KDM4A: variants seen among roughly 807,000 people sequenced by gnomAD.
The protein encoded by KDM4A is lysine demethylase 4A, also known as lysine-specific demethylase 4A.
Under a neutral mutation model 127.1 loss-of-function variants are expected in KDM4A, and 23 were observed. The observed-to-expected ratio is 0.18, with a 90% confidence interval of 0.13 to 0.26. The LOEUF is 0.26. Among genes scored for constraint, KDM4A ranks in the 10% least tolerant of loss-of-function variants. KDM4A has a pLI of 1.00. For missense variants in KDM4A, 890 were observed against 1,329.1 expected (o/e 0.67, Z 5.14); for synonymous variants, 443 against 466.5 (o/e 0.95, Z 0.65).
Position 43,691,516 on chromosome 1 carries a change from G to T in KDM4A, c.2263G>T (p.Ala755Ser). The T allele has an allele frequency of 6.2e-7, 1 of 1,613,960 alleles. No individual in the cohort carries two copies. The highest frequency in any genetic ancestry group is 8.5e-7 in the Non-Finnish European group (1 of 1,179,990). ...GTTAGGTTGCTATGGGGTCCCCCCT[G>T]CAAAGGCTTCTGAAGACTGGATGTG... ...VHASCYGVPP[A>S]KASEDWMCSR... The change falls in exon 15 of 22, where the codon GCA becomes TCA. Residue 755 changes from alanine to serine, a missense_variant. Transcript: ENST00000372396.
chr1:43,671,456 A>T (rs1660615578), intron 10 of KDM4A, 49 bp from the exon 11 acceptor site: 14 of 1,493,056 alleles, frequency 9.4e-6, no homozygotes, highest in East Asian at 2.4e-5. Flanking sequence ...CATCAGGTTC[A>T]CATGTGCAGG....
chr1:43,655,549 C>A, intron 2 of KDM4A, 42 bp from the exon 3 acceptor site: 2 of 1,540,694 alleles, frequency 1.3e-6, no homozygotes, highest in Non-Finnish European at 1.8e-6. Context: ...ACTGGCTTGC[C>A]AGGTTTCTCA....
intron 11 of KDM4A, among the ~76,000 whole-genome samples, chr1:43,673,486 TA>T (rs1660672836): frequency 6.6e-6 from 1 of 152,154 alleles, no homozygotes; most frequent in Admixed American, 6.5e-5. Flanking sequence ...GTGTTGCCAA[TA>T]GTCCCTTTTT....
intron 18 of KDM4A, 112 bp from the exon 19 acceptor site, chr1:43,697,731 A>G: frequency 9.5e-7 from 1 of 1,049,896 alleles, no homozygotes; most frequent in Non-Finnish European, 1.4e-6. Flanking sequence ...TTTTACTTTT[A>G]CTTTCCCATG....
rs1661285406 is a variant in KDM4A at position 43,698,027 on chromosome 1, G to A, written c.2841+14G>A. 6.2e-7 allele frequency: 1 copy of A among 1,609,388 alleles called. No homozygotes were observed. The highest frequency in any genetic ancestry group is 8.5e-7 in the Non-Finnish European group (1 of 1,176,954). On this transcript the variant is annotated intron_variant, in intron 19 of 21. Coordinates refer to ENST00000372396, the MANE Select transcript of KDM4A (RefSeq NM_014663.3). ...GAGGACATAGTGGTAATATCTGCAA[G>A]GAGCTTCTCAGGCAGTTTGGAATGG...
chr1:43,683,187 C>T (rs1011776466), intron 11 of KDM4A, among the ~76,000 whole-genome samples: 4 of 152,194 alleles, frequency 2.6e-5, no homozygotes, highest in Non-Finnish European at 4.4e-5. Flanking sequence ...GAGAAGGTGG[C>T]CTATTTTACT....
At position 43,662,816 on chromosome 1, in the gene KDM4A, A is replaced by G. The variant is rs1180882506; in HGVS notation, c.430-78A>G. 4 of 1,240,042 alleles carry G rather than the reference A, an allele frequency of 3.2e-6. No homozygotes were observed. In the African/African-American group the frequency reaches 4.5e-5, roughly 14 times the overall value. The allele number at this position is 1,240,042 out of a possible 1,614,324, so 76.8% of individuals were successfully genotyped here. A position where few individuals can be genotyped will look rare whatever the true frequency, so the allele number is the denominator to read the frequency against. ...TGTCAGAGATGACAGCTTACTTGTG[A>G]CCTACTCTGATTTGTAGGTTCAGAG... On this transcript the variant is annotated intron_variant, in intron 4 of 21. Transcript: ENST00000372396.
intron 7 of KDM4A, 112 bp downstream of exon 7, chr1:43,666,667 C>A: frequency 1.2e-6 from 1 of 862,444 alleles, no homozygotes; most frequent in Non-Finnish European, 1.8e-6. Context: ...CTTAAATAAA[C>A]TATGTAACAA....
At chr1:43,655,791 G>T in intron 3 of KDM4A, 25 bp downstream of exon 3, 1 of 1,588,494 alleles carries the variant, frequency 6.3e-7, no homozygotes, top group South Asian at 1.1e-5. Flanking sequence ...TTTCTTACCT[G>T]ACATAGCACC....
chr1:43,697,792 C>A, intron 18 of KDM4A, 51 bp from the exon 19 acceptor site: 1 of 1,548,644 alleles, frequency 6.5e-7, no homozygotes, highest in Non-Finnish European at 8.8e-7. Flanking sequence ...CTCCATATGC[C>A]AGGCCTGCAA....
chr1:43,663,124 C>T (rs1172113900), intron 5 of KDM4A, 37 bp downstream of exon 5: 4 of 1,568,740 alleles, frequency 2.5e-6, no homozygotes, highest in Non-Finnish European at 3.5e-6. Flanking sequence ...GGCTTCTATG[C>T]TAGAGCACGG....
At chr1:43,666,892 G>A in intron 7 of KDM4A, 62 bp from the exon 8 acceptor site, 1 of 1,575,270 alleles carries the variant, frequency 6.3e-7, no homozygotes, top group Non-Finnish European at 8.7e-7. Context: ...GTGGAGCTCA[G>A]AATTCCAGTT....
chr1:43,683,200 T>G (rs528395343), intron 11 of KDM4A, among the ~76,000 whole-genome samples: 33 of 152,336 alleles, frequency 2.2e-4, no homozygotes, highest in African/African-American at 7.0e-4. Flanking sequence ...ATTTTACTTT[T>G]AATAGGTCAG....
At chr1:43,655,499 C>A in intron 2 of KDM4A, 92 bp from the exon 3 acceptor site, 1 of 1,091,628 alleles carries the variant, frequency 9.2e-7, no homozygotes, top group Non-Finnish European at 1.3e-6. Flanking sequence ...GTAAAATTGA[C>A]TGTTAGGTTG....
chr1:43,668,688 C>T (rs910403162), intron 9 of KDM4A, among the ~76,000 whole-genome samples: 2 of 152,160 alleles, frequency 1.3e-5, no homozygotes, highest in African/African-American at 4.8e-5. Flanking sequence ...GGATGAGACT[C>T]AAGGGCATTG....
chr1:43,683,451 A>C (rs1660902165), intron 11 of KDM4A, among the ~76,000 whole-genome samples: 2 of 151,956 alleles, frequency 1.3e-5, no homozygotes, highest in African/African-American at 4.8e-5. Flanking sequence ...GCTCCTAAGA[A>C]GGCCAAGAAC....
intron 6 of KDM4A, 34 bp downstream of exon 6, chr1:43,665,779 C>T (rs1360797524): frequency 3.1e-6 from 5 of 1,608,220 alleles, no homozygotes; most frequent in East Asian, 4.5e-5. Context: ...GGATTGGACC[C>T]TCCTATGAGC....
intron 2 of KDM4A, among the ~76,000 whole-genome samples, chr1:43,654,901 G>T (rs1004209974): frequency 1.3e-5 from 2 of 151,570 alleles, no homozygotes; most frequent in East Asian, 1.9e-4. Flanking sequence ...ACCCCAGCTG[G>T]AGTGCAATGG....
intron 3 of KDM4A, 23 bp downstream of exon 3, chr1:43,655,789 C>T (rs1468981599): frequency 6.3e-7 from 1 of 1,592,788 alleles, no homozygotes; most frequent in Non-Finnish European, 8.6e-7. Context: ...CCTTTCTTAC[C>T]TGACATAGCA....
Sources: gnomAD v4.1 joint callset for allele counts (sites outside exome capture counted in the v4.1 genomes callset) on GRCh38, gnomAD v4.1.1 for gene constraint, MANE v1.5 for transcripts, NCBI Gene and HGNC (gene_info 2026-07-23, HGNC 2026-07-21) for gene names.